PLD5: variants seen among roughly 807,000 people sequenced by gnomAD.
PLD5 encodes phospholipase D family member 5.
Under a neutral mutation model 61.1 loss-of-function variants are expected in PLD5, and 36 were observed. That is an observed-to-expected ratio of 0.59 (90% CI 0.45 to 0.78). The LOEUF is 0.78. Ranked by LOEUF, PLD5 falls within the 30% of genes least tolerant of loss-of-function variation. PLD5 has a pLI of 0.00. For synonymous variants in PLD5, 243 were observed against 242.8 expected (o/e 1.00, Z -0.01); for missense variants, 515 against 644.4 (o/e 0.80, Z 2.17).
At chr1:242,370,491 G>A (rs1307088909) in intron 1 of PLD5, among the ~76,000 whole-genome samples, 1 of 152,038 alleles carries the variant, frequency 6.6e-6, no homozygotes, top group Non-Finnish European at 1.5e-5. Flanking sequence ...AGTACAGAGG[G>A]CTGAGCCAGG....
At chr1:242,432,829 A>AT (rs377310564) in intron 1 of PLD5, among the ~76,000 whole-genome samples, 1 of 152,222 alleles carries the variant, frequency 6.6e-6, no homozygotes. Context: ...AGAAAAAAAA[A>AT]GCCAAAGAGA....
intron 5 of PLD5, among the ~76,000 whole-genome samples, chr1:242,134,888 A>C (rs552096525): frequency 1.3e-5 from 2 of 152,340 alleles, no homozygotes; most frequent in South Asian, 2.1e-4. Context: ...TGATGAAAGA[A>C]GACAGTGTTT....
At chr1:242,506,170 G>A (rs1668712208) in intron 1 of PLD5, among the ~76,000 whole-genome samples, 1 of 152,188 alleles carries the variant, frequency 6.6e-6, no homozygotes, top group African/African-American at 2.4e-5. Flanking sequence ...CCTTTGGCAA[G>A]TTAGTAATGA....
chr1:242,355,210 T>C (rs1660691823), intron 1 of PLD5, among the ~76,000 whole-genome samples: 2 of 152,340 alleles, frequency 1.3e-5, no homozygotes, highest in South Asian at 4.1e-4. Flanking sequence ...AATAGTTCTT[T>C]AAATGTTTGG....
intron 1 of PLD5, among the ~76,000 whole-genome samples, chr1:242,380,587 A>G (rs1483839183): frequency 2.0e-5 from 3 of 152,198 alleles, no homozygotes; most frequent in African/African-American, 7.2e-5. Flanking sequence ...CTATCTATGT[A>G]TATTAATAAC....
intron 2 of PLD5, among the ~76,000 whole-genome samples, chr1:242,292,974 G>A (rs1233727240): frequency 1.3e-5 from 2 of 152,050 alleles, no homozygotes; most frequent in Admixed American, 6.6e-5. Flanking sequence ...AGGTTTCATC[G>A]ACTGTCAAAG....
chr1:242,404,875 A>ATTTTTTTTTTTTTTTTTTTT lies in PLD5; in HGVS notation c.190-56653_190-56634dup. Among the ~76,000 whole-genome samples the ATTTTTTTTTTTTTTTTTTTT allele has an allele frequency of 1.4e-3, 106 of 75,392 alleles. 11 individuals carry two copies. Among genetic ancestry groups the ATTTTTTTTTTTTTTTTTTTT allele is most frequent in the African/African-American group, 3.2e-3 (53 of 16,356 alleles). The allele number at this position is 75,392 out of a possible 152,430, so 49.5% of individuals were successfully genotyped here. ...CATGCCTCTTATCTGTTCCCTGCTA[A>ATTTTTTTTTTTTTTTTTTTT]TTTTTTTTTTTTTTTTTTTTTTGAG... On this transcript the variant is annotated intron_variant, in intron 1 of 9. Transcript: ENST00000536534.
chr1:242,414,812 C>T, intron 1 of PLD5, among the ~76,000 whole-genome samples: 1 of 151,998 alleles, frequency 6.6e-6, no homozygotes, highest in East Asian at 1.9e-4. Flanking sequence ...CTATTGTTGG[C>T]AAAAGGCATC....
At chr1:242,249,892 T>A (rs1229749372) in intron 4 of PLD5, among the ~76,000 whole-genome samples, 1 of 152,182 alleles carries the variant, frequency 6.6e-6, no homozygotes, top group African/African-American at 2.4e-5. Flanking sequence ...CTATCTAAAT[T>A]TCCATGAAAA....
At chr1:242,494,038 G>A (rs1327214050) in intron 1 of PLD5, among the ~76,000 whole-genome samples, 2 of 150,740 alleles carry the variant, frequency 1.3e-5, no homozygotes, top group African/African-American at 4.9e-5. Context: ...ATTTGCCTTT[G>A]CATTGGTATG....
chr1:242,461,724 C>T (rs1425097554), intron 1 of PLD5, among the ~76,000 whole-genome samples: 1 of 152,166 alleles, frequency 6.6e-6, no homozygotes, highest in Non-Finnish European at 1.5e-5. Context: ...TATAAGCATT[C>T]CCTTTCTCCC....
chr1:242,517,989 T>C (rs907400479), intron 1 of PLD5, among the ~76,000 whole-genome samples: 5 of 152,136 alleles, frequency 3.3e-5, no homozygotes, highest in South Asian at 2.1e-4. Context: ...AGCACAGTAA[T>C]AGCTCAAGTC....
Position 242,368,625 on chromosome 1 carries a change from C to A in PLD5, c.190-20383G>T, listed in dbSNP as rs186847990. 2.8e-3 allele frequency among the ~76,000 whole-genome samples: 425 copies of A among 152,220 alleles called. 2 individuals are homozygous for A. Among genetic ancestry groups the A allele is most frequent in the African/African-American group, 4.9e-3 (202 of 41,548 alleles). On this transcript the variant is annotated intron_variant, in intron 1 of 9. Coordinates refer to ENST00000536534, the MANE Select transcript of PLD5 (RefSeq NM_001372062.1). ...GCATGAATCTCTGACAGTCTCCACC[C>A]CAGTCTTTTATTATGCAGGTGGGTT...
At chr1:242,469,467 C>T (rs1667374056) in intron 1 of PLD5, among the ~76,000 whole-genome samples, 2 of 152,164 alleles carry the variant, frequency 1.3e-5, no homozygotes, top group South Asian at 4.1e-4. Context: ...TTCACCTTCT[C>T]ACATTTTGGT....
chr1:242,086,707 G>GAGAAGTGTTCTCATAGAATA lies in PLD5; in HGVS notation c.*3127_*3146dup, dbSNP rs1379106128. On this transcript the variant is annotated 3_prime_UTR_variant, in exon 10 of 10. Coordinates refer to ENST00000536534, the MANE Select transcript of PLD5 (RefSeq NM_001372062.1). ...AAGGTCATTTGAATTCCACAGGAGA[G>GAGAAGTGTTCTCATAGAATA]AGAAGTGTTCTCATAGAATAAGTCA... The GAGAAGTGTTCTCATAGAATA allele has an allele frequency of 9.1e-4, 139 of 152,326 alleles. No homozygotes were observed. Among genetic ancestry groups the GAGAAGTGTTCTCATAGAATA allele is most frequent in the African/African-American group, 3.3e-3 (137 of 41,572 alleles). The allele number at this position is 152,326 out of a possible 1,614,324, so 9.4% of individuals were successfully genotyped here. A position where few individuals can be genotyped will look rare whatever the true frequency, so the allele number is the denominator to read the frequency against.
At chr1:242,250,718 T>A (rs1263814148) in intron 4 of PLD5, among the ~76,000 whole-genome samples, 2 of 152,144 alleles carry the variant, frequency 1.3e-5, no homozygotes, top group Admixed American at 6.5e-5. Flanking sequence ...AAAAAATTGG[T>A]AAAGCAAGGA....
intron 1 of PLD5, among the ~76,000 whole-genome samples, chr1:242,493,987 A>G (rs577399206): frequency 6.6e-5 from 10 of 152,230 alleles, no homozygotes; most frequent in African/African-American, 2.4e-4. Flanking sequence ...TAGCTCAGAA[A>G]ACTTCCTTTT....
At chr1:242,295,062 G>C (rs1047011597) in intron 2 of PLD5, among the ~76,000 whole-genome samples, 5 of 152,122 alleles carry the variant, frequency 3.3e-5, no homozygotes, top group Admixed American at 2.6e-4. Context: ...AGATGATCTC[G>C]GCTCATCAAT....
chr1:242,189,956 G>A (rs1668142263), intron 5 of PLD5, among the ~76,000 whole-genome samples: 1 of 152,054 alleles, frequency 6.6e-6, no homozygotes, highest in South Asian at 2.1e-4. Flanking sequence ...GACAGCTCGG[G>A]AGCAGAGCTG....
Sources: gnomAD v4.1 joint callset for allele counts (sites outside exome capture counted in the v4.1 genomes callset) on GRCh38, gnomAD v4.1.1 for gene constraint, MANE v1.5 for transcripts, NCBI Gene and HGNC (gene_info 2026-07-23, HGNC 2026-07-21) for gene names.